Variants in MSH3 observed in about 807,000 individuals in gnomAD.
MSH3 encodes mutS homolog 3.
In MSH3, 106 loss-of-function variants were observed where a neutral mutation model predicts 123.3. The observed-to-expected ratio is 0.86, with a 90% confidence interval of 0.73 to 1.01. The LOEUF (loss-of-function observed/expected upper bound fraction) is 1.01. Ranked by LOEUF, MSH3 falls within the 50% of genes least tolerant of loss-of-function variation. The pLI is 0.00. For missense variants in MSH3, 1,459 were observed against 1,347.6 expected (o/e 1.08, Z -1.29); for synonymous variants, 515 against 481.4 (o/e 1.07, Z -0.91).
chr5:80,798,622 T>A (rs932279157), intron 19 of MSH3, among the ~76,000 whole-genome samples: 5 of 152,246 alleles, frequency 3.3e-5, no homozygotes, highest in Non-Finnish European at 5.9e-5. Flanking sequence ...TCACATAGCA[T>A]GATCTTTGAA....
chr5:80,704,721 T>A (rs991860609), intron 8 of MSH3, among the ~76,000 whole-genome samples: 1 of 152,218 alleles, frequency 6.6e-6, no homozygotes, highest in African/African-American at 2.4e-5. Context: ...TTGATGTATT[T>A]AAATAACAAG....
intron 1 of MSH3, 193 bp downstream of exon 1, chr5:80,655,157 C>T (rs1749236030): frequency 6.3e-6 from 3 of 473,482 alleles, no homozygotes; most frequent in Admixed American, 8.1e-5. Context: ...TTAGTACTTC[C>T]GTTTGAGGAG....
At chr5:80,770,409 T>A (rs1216532949) in intron 15 of MSH3, among the ~76,000 whole-genome samples, 1 of 152,204 alleles carries the variant, frequency 6.6e-6, no homozygotes, top group Admixed American at 6.5e-5. Flanking sequence ...ATGAAAGTGC[T>A]TTTTAATCAT....
intron 20 of MSH3, among the ~76,000 whole-genome samples, chr5:80,816,869 T>C (rs543246252): frequency 6.6e-6 from 1 of 152,372 alleles, no homozygotes; most frequent in East Asian, 1.9e-4. Context: ...TGTTTTTTCA[T>C]AGATTCCGAC....
At chr5:80,742,911 G>A (rs1743643336) in intron 11 of MSH3, among the ~76,000 whole-genome samples, 1 of 152,134 alleles carries the variant, frequency 6.6e-6, no homozygotes, top group South Asian at 2.1e-4. Context: ...AACAGAGTCA[G>A]TTCTGAAATC....
intron 22 of MSH3, among the ~76,000 whole-genome samples, chr5:80,870,355 C>T (rs990321913): frequency 6.6e-6 from 1 of 151,932 alleles, no homozygotes; most frequent in African/African-American, 2.4e-5. Context: ...GAGCTGGAGA[C>T]AGGGAGATCA....
intron 11 of MSH3, among the ~76,000 whole-genome samples, chr5:80,742,574 G>A (rs1005762832): frequency 1.3e-5 from 2 of 152,156 alleles, no homozygotes; most frequent in Non-Finnish European, 2.9e-5. Flanking sequence ...GCAAATTAAA[G>A]TAAACACTGA....
intron 2 of MSH3, among the ~76,000 whole-genome samples, chr5:80,661,671 A>G (rs907043756): frequency 5.3e-5 from 8 of 152,040 alleles, no homozygotes; most frequent in Middle Eastern, 3.2e-3. Context: ...CATATCTGTC[A>G]TTTCTGGGGC....
intron 19 of MSH3, among the ~76,000 whole-genome samples, chr5:80,804,514 G>A (rs558989443): frequency 2.1e-4 from 32 of 152,388 alleles, no homozygotes; most frequent in South Asian, 6.2e-4. Context: ...CAGTAATACT[G>A]TAGCTCTTGT....
chr5:80,844,939 C>A (rs1328887641), intron 20 of MSH3, among the ~76,000 whole-genome samples: 7 of 152,186 alleles, frequency 4.6e-5, no homozygotes, highest in Non-Finnish European at 7.3e-5. Context: ...TTGATCCTGT[C>A]ATTTTGCTGT....
intron 18 of MSH3, among the ~76,000 whole-genome samples, chr5:80,789,529 C>T (rs145172882): frequency 6.6e-6 from 1 of 152,216 alleles, no homozygotes; most frequent in Non-Finnish European, 1.5e-5. Flanking sequence ...TGCCACCACG[C>T]CTGGCTAATT....
At chr5:80,681,616 T>TTATATTTTATTAACTTAGTA (rs1295385227) in intron 8 of MSH3, among the ~76,000 whole-genome samples, 3 of 151,706 alleles carry the variant, frequency 2.0e-5, no homozygotes, top group Non-Finnish European at 2.9e-5. Flanking sequence ...TCATTTTTCT[T>TTATATTTTATTAACTTAGTA]TATATTTTAT....
intron 17 of MSH3, among the ~76,000 whole-genome samples, chr5:80,781,938 G>A (rs1403367424): frequency 6.6e-6 from 1 of 152,088 alleles, no homozygotes; most frequent in African/African-American, 2.4e-5. Context: ...CATCATAGAA[G>A]CATATGATAC....
At chr5:80,695,790 A>G (rs1168109041) in intron 8 of MSH3, among the ~76,000 whole-genome samples, 1 of 152,086 alleles carries the variant, frequency 6.6e-6, no homozygotes, top group African/African-American at 2.4e-5. Context: ...CATCTCTGTT[A>G]TCTTGGTGTT....
chr5:80,740,393 T>C (rs1490421812), intron 10 of MSH3, among the ~76,000 whole-genome samples: 1 of 151,286 alleles, frequency 6.6e-6, no homozygotes, highest in Non-Finnish European at 1.5e-5. Flanking sequence ...AGTCACACTC[T>C]GTCACCCGGG....
intron 10 of MSH3, among the ~76,000 whole-genome samples, chr5:80,741,014 C>T (rs1181671827): frequency 2.0e-5 from 3 of 152,132 alleles, no homozygotes; most frequent in African/African-American, 7.2e-5. Context: ...CTGCACCTGG[C>T]CTAGAATCTT....
chr5:80,729,346 G>A (rs531596967), intron 10 of MSH3, among the ~76,000 whole-genome samples: 21 of 150,322 alleles, frequency 1.4e-4, no homozygotes, highest in African/African-American at 4.9e-4. Flanking sequence ...ACCCAGGGAG[G>A]TGGAGCCTGC....
intron 17 of MSH3, among the ~76,000 whole-genome samples, chr5:80,782,149 CATATAT>C (rs201565439): frequency 6.6e-6 from 1 of 151,926 alleles, no homozygotes; most frequent in East Asian, 1.9e-4. Flanking sequence ...AACATACATA[CATATAT>C]ATATGTATAT....
chr5:80,684,301 AT>A (rs1478567107), intron 8 of MSH3, among the ~76,000 whole-genome samples: 2 of 152,060 alleles, frequency 1.3e-5, no homozygotes, highest in Non-Finnish European at 2.9e-5. Flanking sequence ...TATTCTTCCA[AT>A]TCATGAACAT....
Sources: allele counts gnomAD v4.1 joint callset (sites outside exome capture counted in the v4.1 genomes callset), GRCh38; gene constraint gnomAD v4.1.1; transcripts MANE v1.5; gene names NCBI Gene and HGNC (gene_info 2026-07-23, HGNC 2026-07-21).